The following CACNA2D3 variants were observed in gnomAD, a reference collection of about 807,000 sequenced individuals.
The protein encoded by CACNA2D3 is calcium voltage-gated channel auxiliary subunit alpha2delta 3.
In CACNA2D3, 60 loss-of-function variants were observed where a neutral mutation model predicts 160.6. The observed-to-expected ratio is 0.37, with a 90% confidence interval of 0.30 to 0.46. The LOEUF (loss-of-function observed/expected upper bound fraction) is 0.46, where lower values mean the gene tolerates loss of function less well. CACNA2D3 is among the 20% of genes least tolerant of loss of function. The pLI, the probability that CACNA2D3 is intolerant of heterozygous loss-of-function variation, is 1.00. For synonymous variants in CACNA2D3, 558 were observed against 492.9 expected (o/e 1.13, Z -1.75); for missense variants, 1,205 against 1,365.0 (o/e 0.88, Z 1.85).
chr3:54,298,750 G>A (rs1208171026), intron 2 of CACNA2D3, among the ~76,000 whole-genome samples: 1 of 152,078 alleles, frequency 6.6e-6, no homozygotes, highest in African/African-American at 2.4e-5. Context: ...TGAGGCTGCA[G>A]TGAGCCGTGA....
intron 11 of CACNA2D3, among the ~76,000 whole-genome samples, chr3:54,747,651 C>T (rs1199193067): frequency 6.6e-6 from 1 of 152,154 alleles, no homozygotes; most frequent in Non-Finnish European, 1.5e-5. Context: ...TAATTTCCTG[C>T]AACCTCTGCT....
intron 8 of CACNA2D3, among the ~76,000 whole-genome samples, chr3:54,576,155 C>G (rs1447299041): frequency 6.6e-6 from 1 of 152,198 alleles, no homozygotes; most frequent in Non-Finnish European, 1.5e-5. Flanking sequence ...ATCCTCTTCT[C>G]TAGGTGACTG....
chr3:54,662,370 G>A (rs1699989579), intron 11 of CACNA2D3, among the ~76,000 whole-genome samples: 1 of 152,184 alleles, frequency 6.6e-6, no homozygotes, highest in African/African-American at 2.4e-5. Flanking sequence ...ACAAGGGAGA[G>A]TCTAAAGTGA....
At chr3:54,829,307 A>G (rs1246842707) in intron 14 of CACNA2D3, among the ~76,000 whole-genome samples, 1 of 152,152 alleles carries the variant, frequency 6.6e-6, no homozygotes, top group Non-Finnish European at 1.5e-5. Context: ...CAGTCTTACT[A>G]GATTCTTTCC....
intron 2 of CACNA2D3, among the ~76,000 whole-genome samples, chr3:54,187,144 A>G (rs1286549800): frequency 6.6e-6 from 1 of 152,156 alleles, no homozygotes; most frequent in Non-Finnish European, 1.5e-5. Flanking sequence ...TCCTGTGTTG[A>G]TGCCATTGCT....
intron 11 of CACNA2D3, among the ~76,000 whole-genome samples, chr3:54,662,090 T>G (rs2106882871): frequency 6.6e-6 from 1 of 152,282 alleles, no homozygotes; most frequent in African/African-American, 2.4e-5. Flanking sequence ...ATCATGTTCC[T>G]CTGGGTCACC....
chr3:55,055,871 C>G lies in CACNA2D3; in HGVS notation c.2988-17574C>G, dbSNP rs1268466386. ...TGTTAGTGTACAGAAATGCTAAAAA[C>G]TACACATTGGTCTGGGCAATGTTTT... On this transcript the variant is annotated intron_variant, in intron 35 of 37. Transcript: ENST00000474759. Among the ~76,000 whole-genome samples the G allele has an allele frequency of 2.6e-5, 4 of 152,180 alleles. No homozygotes were observed. In the East Asian group the frequency reaches 7.7e-4, roughly 29 times the overall value.
chr3:54,653,782 T>C (rs1173590717), intron 11 of CACNA2D3, among the ~76,000 whole-genome samples: 2 of 152,194 alleles, frequency 1.3e-5, no homozygotes, highest in Admixed American at 6.5e-5. Flanking sequence ...GAAACTGTGG[T>C]TTCTCTTCCT....
intron 5 of CACNA2D3, among the ~76,000 whole-genome samples, chr3:54,545,339 A>G (rs958350978): frequency 6.6e-6 from 1 of 152,168 alleles, no homozygotes; most frequent in African/African-American, 2.4e-5. Context: ...CTTAACTTCC[A>G]TTTCTGAAGG....
chr3:54,350,277 A>G (rs1251635350), intron 3 of CACNA2D3, among the ~76,000 whole-genome samples: 3 of 152,160 alleles, frequency 2.0e-5, no homozygotes, highest in African/African-American at 7.2e-5. Flanking sequence ...GTGTCATTTT[A>G]GTTCTTATAT....
chr3:54,356,382 G>A (rs1698649280), intron 3 of CACNA2D3, among the ~76,000 whole-genome samples: 2 of 152,156 alleles, frequency 1.3e-5, no homozygotes, highest in Non-Finnish European at 2.9e-5. Flanking sequence ...CTGAGAACTT[G>A]CAGAGTTCAG....
intron 3 of CACNA2D3, among the ~76,000 whole-genome samples, chr3:54,345,492 G>A (rs142541777): frequency 6.6e-6 from 1 of 152,200 alleles, no homozygotes; most frequent in African/African-American, 2.4e-5. Flanking sequence ...GAATCCAAAT[G>A]GCCTTGCTCA....
chr3:54,291,618 G>A (rs911546210), intron 2 of CACNA2D3, among the ~76,000 whole-genome samples: 8 of 152,178 alleles, frequency 5.3e-5, no homozygotes, highest in Non-Finnish European at 1.0e-4. Flanking sequence ...ACAGAACAGA[G>A]CCTGGCGGGA....
intron 5 of CACNA2D3, among the ~76,000 whole-genome samples, chr3:54,546,178 C>T (rs1332732256): frequency 6.6e-6 from 1 of 152,172 alleles, no homozygotes; most frequent in Admixed American, 6.5e-5. Context: ...AAGGAAGAAC[C>T]TGAGCATGGA....
In CACNA2D3 at chr3:54,642,164, G is replaced by A; in HGVS notation, c.1090G>A (p.Ala364Thr). The A allele has an allele frequency of 6.2e-7, 1 of 1,612,886 alleles. No homozygotes were observed. Among genetic ancestry groups the A allele is most frequent in the South Asian group, 1.1e-5 (1 of 90,784 alleles). Residue 364 changes from alanine to threonine, a missense_variant, in exon 11 of 38, where the codon GCC becomes ACC. Physicochemically the swap from Ala to Thr is moderately conservative, Grantham distance 58. Around this residue, in one of 3 missense-constraint regions of CACNA2D3, gnomAD observed 911 missense variants for 1,002.2 expected, o/e 0.91. Transcript: ENST00000474759. Reference protein sequence around the residue: ...HTGQGSICSQAIMLITDGAVD... With the variant: ...HTGQGSICSQTIMLITDGAVD... ...GGGACAAGGAAGTATCTGCAGTCAG[G>A]CCATCATGCTCATAACTGATGGGGC...
chr3:54,258,968 C>T (rs1296111083), intron 2 of CACNA2D3, among the ~76,000 whole-genome samples: 1 of 152,174 alleles, frequency 6.6e-6, no homozygotes, highest in Non-Finnish European at 1.5e-5. Flanking sequence ...ACTGAGGTAG[C>T]TAAAGTATTA....
intron 11 of CACNA2D3, among the ~76,000 whole-genome samples, chr3:54,685,180 G>T (rs1316990323): frequency 1.3e-5 from 2 of 152,148 alleles, no homozygotes; most frequent in African/African-American, 4.8e-5. Flanking sequence ...GAAGGTCATG[G>T]ACTAGCTCTG....
intron 2 of CACNA2D3, among the ~76,000 whole-genome samples, chr3:54,264,933 C>T (rs566177985): frequency 9.2e-5 from 14 of 152,170 alleles, no homozygotes; most frequent in South Asian, 2.1e-4. Context: ...TTTATGGCTG[C>T]ATAGTATTCC....
At chr3:55,058,754 G>A (rs958734900) in intron 35 of CACNA2D3, among the ~76,000 whole-genome samples, 1 of 152,028 alleles carries the variant, frequency 6.6e-6, no homozygotes, top group African/African-American at 2.4e-5. Flanking sequence ...TCACATGCCA[G>A]CTCATTACTC....
Sources: allele counts gnomAD v4.1 joint callset (sites outside exome capture counted in the v4.1 genomes callset), GRCh38; gene constraint gnomAD v4.1.1; regional missense constraint gnomAD v4.1.1; transcripts MANE v1.5; gene names NCBI Gene and HGNC (gene_info 2026-07-23, HGNC 2026-07-21).